GPC3: variants seen among roughly 807,000 people sequenced by gnomAD.
GPC3 encodes the protein glypican-3.
In GPC3, 3 loss-of-function variants were observed where a neutral mutation model predicts 34.4. The observed-to-expected ratio is 0.09, with a 90% CI of 0.04 to 0.23. The LOEUF (loss-of-function observed/expected upper bound fraction) is 0.23, where lower values mean the gene tolerates loss of function less well. GPC3 is among the 10% of genes least tolerant of loss of function. GPC3 has a pLI of 1.00. For synonymous variants in GPC3, 177 were observed against 174.0 expected, an observed-to-expected ratio of 1.02 and a Z score of -0.13; for missense variants, 351 against 445.6, an observed-to-expected ratio of 0.79 and a Z score of 1.91.
chrX:133,676,184 GTGTTAGATT>G (rs1426515775), intron 5 of GPC3, among the ~76,000 whole-genome samples: 1 of 112,474 alleles, frequency 8.9e-6, no homozygotes, highest in African/African-American at 3.2e-5. Context: ...AGGTAGCTAA[GTGTTAGATT>G]TGTCCAAGAA....
chrX:133,898,663 A>T (rs957621939), intron 2 of GPC3, among the ~76,000 whole-genome samples: 1 of 111,973 alleles, frequency 8.9e-6, no homozygotes. Flanking sequence ...AAGGGTAATG[A>T]CCGAAACACA....
chrX:133,791,370 G>T (rs1032358509), intron 2 of GPC3, among the ~76,000 whole-genome samples: 1 of 111,470 alleles, frequency 9.0e-6, no homozygotes, highest in African/African-American at 3.3e-5. Context: ...GGTAGATGCC[G>T]ACTTTCTGCG....
intron 2 of GPC3, among the ~76,000 whole-genome samples, chrX:133,770,987 G>C (rs148666544): frequency 1.8e-5 from 2 of 111,280 alleles, no homozygotes; most frequent in South Asian, 7.8e-4. Context: ...AACTCCATTC[G>C]GACAGATGGA....
chrX:133,845,041 C>T (rs1313492783), intron 2 of GPC3, among the ~76,000 whole-genome samples: 1 of 111,443 alleles, frequency 9.0e-6, no homozygotes, highest in African/African-American at 3.3e-5. Context: ...TCCCTTTTTG[C>T]ACTCCCCTCA....
At chrX:133,914,923 G>A (rs1329667572) in intron 2 of GPC3, among the ~76,000 whole-genome samples, 1 of 71,125 alleles carries the variant, frequency 1.4e-5, no homozygotes, top group African/African-American at 5.8e-5. Context: ...AGATGCTTAT[G>A]TATTTTTTCA....
chrX:133,838,241 T>G (rs2075808309), intron 2 of GPC3, among the ~76,000 whole-genome samples: 1 of 112,648 alleles, frequency 8.9e-6, no homozygotes, highest in Non-Finnish European at 1.9e-5. Context: ...CACTTGTAAT[T>G]TATTTTTTCC....
chrX:133,536,637 T>C (rs747007630), intron 7 of GPC3, among the ~76,000 whole-genome samples: 7 of 110,584 alleles, frequency 6.3e-5, no homozygotes, highest in Admixed American at 1.9e-4. Context: ...AGGCAAGGTT[T>C]TGCTTGAAGG....
At position 133,823,564 on chromosome X, in the gene GPC3, A is replaced by T. The variant is rs2075731168; in HGVS notation, c.338-69388T>A. On this transcript the variant is annotated intron_variant, in intron 2 of 7. Transcript: ENST00000370818. Reference sequence around the variant, plus strand: ...AAATGTTTTACCATTAAATACAAACATAATAATTTCTGATGGGATTTTGCA... The same window carrying T: ...AAATGTTTTACCATTAAATACAAACTTAATAATTTCTGATGGGATTTTGCA... 4.5e-5 allele frequency among the ~76,000 whole-genome samples: 5 copies of T among 111,978 alleles called. No individual in the cohort carries two copies. In the Admixed American group the frequency reaches 4.8e-4, roughly 11 times the overall value.
chrX:133,974,356 T>C (rs1235208540), intron 1 of GPC3, among the ~76,000 whole-genome samples: 5 of 112,723 alleles, frequency 4.4e-5, no homozygotes, highest in African/African-American at 9.7e-5. Flanking sequence ...AGCCTTTCCA[T>C]TTAAATAACA....
At chrX:133,874,015 G>C (rs1241246314) in intron 2 of GPC3, among the ~76,000 whole-genome samples, 1 of 111,105 alleles carries the variant, frequency 9.0e-6, no homozygotes, top group Non-Finnish European at 1.9e-5. Flanking sequence ...TCTAATTATG[G>C]TACCCACGAA....
intron 2 of GPC3, among the ~76,000 whole-genome samples, chrX:133,764,806 T>C (rs1052786169): frequency 1.8e-5 from 2 of 112,044 alleles, no homozygotes; most frequent in African/African-American, 6.5e-5. Context: ...TTTTGTGCTG[T>C]CATCTCGATG....
intron 7 of GPC3, among the ~76,000 whole-genome samples, chrX:133,552,191 G>A (rs771481409): frequency 8.9e-6 from 1 of 112,313 alleles, no homozygotes; most frequent in Admixed American, 9.4e-5. Context: ...CATGGAATGA[G>A]GGGGTGAAGG....
chrX:133,655,539 G>A (rs950825812), intron 6 of GPC3, among the ~76,000 whole-genome samples: 3 of 108,985 alleles, frequency 2.8e-5, no homozygotes, highest in East Asian at 2.9e-4. Context: ...TTCTGGCTCC[G>A]TATGGAAATA....
chrX:133,918,451 G>A (rs937384415), intron 2 of GPC3, among the ~76,000 whole-genome samples: 3 of 112,151 alleles, frequency 2.7e-5, no homozygotes, highest in Non-Finnish European at 5.6e-5. Context: ...CCTTTTTATC[G>A]TTACATCTTA....
intron 2 of GPC3, among the ~76,000 whole-genome samples, chrX:133,852,618 G>A (rs2075879363): frequency 9.0e-6 from 1 of 111,536 alleles, no homozygotes; most frequent in Non-Finnish European, 1.9e-5. Flanking sequence ...TAAGCAGCAT[G>A]CTGAAGTGGG....
intron 1 of GPC3, among the ~76,000 whole-genome samples, chrX:133,970,252 G>A (rs963411067): frequency 1.8e-5 from 2 of 111,336 alleles, no homozygotes; most frequent in Admixed American, 9.6e-5. Flanking sequence ...GGAATGTGCC[G>A]GGCTCCACAT....
chrX:133,942,274 T>C (rs768502797), intron 2 of GPC3, among the ~76,000 whole-genome samples: 21 of 112,142 alleles, frequency 1.9e-4, no homozygotes, highest in Non-Finnish European at 3.8e-4. Context: ...ACCCAGCAAT[T>C]CCACTTCCAG....
intron 2 of GPC3, among the ~76,000 whole-genome samples, chrX:133,812,778 C>T (rs1234182439): frequency 8.9e-6 from 1 of 112,368 alleles, no homozygotes; most frequent in African/African-American, 3.2e-5. Context: ...TCCTGGCTCC[C>T]TGTGAGCCTC....
At chrX:133,796,138 A>G (rs145548070) in intron 2 of GPC3, among the ~76,000 whole-genome samples, 6,764 of 108,677 alleles carry the variant, frequency 0.062, 250 homozygotes, top group East Asian at 0.26. Context: ...GTAGAGACGG[A>G]GTTTCACCGT....
Sources: allele counts gnomAD v4.1 joint callset (sites outside exome capture counted in the v4.1 genomes callset), GRCh38; gene constraint gnomAD v4.1.1; transcripts MANE v1.5; gene names NCBI Gene and HGNC (gene_info 2026-07-23, HGNC 2026-07-21).